Variants in RELN observed in about 807,000 individuals in gnomAD.
RELN encodes reelin.
A neutral mutation model predicts 427.6 loss-of-function variants in RELN; 108 were observed. The observed-to-expected ratio is 0.25, with a 90% CI of 0.22 to 0.30. The LOEUF (loss-of-function observed/expected upper bound fraction) is 0.30, where lower values mean the gene tolerates loss of function less well. RELN is among the 10% of genes least tolerant of loss of function. The pLI is 1.00. For missense variants in RELN, 3,715 were observed against 4,302.8 expected (o/e 0.86, Z 3.82); for synonymous variants, 1,524 against 1,513.4 (o/e 1.01, Z -0.16).
At chr7:103,806,329 T>C (rs1792598832) in intron 3 of RELN, among the ~76,000 whole-genome samples, 1 of 151,994 alleles carries the variant, frequency 6.6e-6, no homozygotes, top group Admixed American at 6.6e-5. Flanking sequence ...CTTTCTTTCT[T>C]TTTTCTTTTT....
At position 103,749,547 on chromosome 7, in the gene RELN, C is replaced by G. The variant is rs371498178; in HGVS notation, c.578-43G>C. On this transcript the variant is annotated intron_variant, in intron 5 of 64. Transcript: ENST00000428762. ...TATTTAGGAAAGAAATATACTACAACAGTACATTTAGCTAAACACAAGTGC... is the reference window on the plus strand; with the variant it reads ...TATTTAGGAAAGAAATATACTACAAGAGTACATTTAGCTAAACACAAGTGC... 294 of 1,363,996 alleles carry G rather than the reference C, an allele frequency of 2.2e-4. 1 individual carries two copies. The highest frequency in any genetic ancestry group is 3.0e-4 in the Non-Finnish European group (281 of 952,494). 84.5% of individuals were successfully genotyped at this position (1,363,996 alleles called of 1,614,324 possible).
Position 103,988,836 on chromosome 7 carries a change from G to C in RELN, c.226+295C>G, listed in dbSNP as rs1370596418. Among the ~76,000 whole-genome samples the C allele has an allele frequency of 6.6e-6, 1 of 152,224 alleles. No homozygotes were observed. The highest frequency in any genetic ancestry group is 1.5e-5 in the Non-Finnish European group (1 of 68,040). On this transcript the variant is annotated intron_variant, in intron 1 of 64. Transcript: ENST00000428762. This position sits in a 1 kb window ranked among gnomAD's most constrained non-coding sequence, Gnocchi z 4.9. ...GTTCAATTTAAAGTGCCTGCGGTAAGTACGGGGAGTGAGGGGGAAAGACAC... is the reference window on the plus strand; with the variant it reads ...GTTCAATTTAAAGTGCCTGCGGTAACTACGGGGAGTGAGGGGGAAAGACAC...
In RELN at chr7:103,500,759, T is replaced by C. The variant is rs565935986; in HGVS notation, c.8653A>G (p.Thr2885Ala). Residue 2885 changes from threonine (T) to alanine (A), a missense_variant, in exon 53 of 65, where the codon ACC becomes GCC. Physicochemically the swap from Thr to Ala is moderately conservative, Grantham distance 58. Coordinates refer to ENST00000428762, the MANE Select transcript of RELN (RefSeq NM_005045.4). ...TTTACCCTTACCTTCAGAGTGTGGG[T>C]CAAGTAGCAGTTTGGCCCTGAGTAT... ...PGYSGPNCYL[T>A]HTLKTFLKER... 1.2e-6 allele frequency: 2 copies of C among 1,614,030 alleles called. No homozygotes were observed. The highest frequency in any genetic ancestry group is 2.7e-5 in the African/African-American group (2 of 75,022).
intron 19 of RELN, among the ~76,000 whole-genome samples, chr7:103,632,799 A>G (rs1832499062): frequency 6.7e-6 from 1 of 149,524 alleles, no homozygotes; most frequent in African/African-American, 2.5e-5. Flanking sequence ...ATATAAGATC[A>G]AATTGTTTAA....
intron 20 of RELN, among the ~76,000 whole-genome samples, chr7:103,628,962 CCTGGTCTCCAGGACAA>C (rs1162733081): frequency 3.9e-5 from 6 of 152,134 alleles, no homozygotes; most frequent in Admixed American, 3.3e-4. Flanking sequence ...TACTTCACTA[CCTGGTCTCCAGGACAA>C]CTGGCCTCCT....
intron 2 of RELN, among the ~76,000 whole-genome samples, chr7:103,847,303 A>T (rs1320465357): frequency 6.6e-6 from 1 of 152,170 alleles, no homozygotes; most frequent in Non-Finnish European, 1.5e-5. Context: ...ATTCTCAGCA[A>T]ACTAACACAA....
intron 2 of RELN, among the ~76,000 whole-genome samples, chr7:103,845,411 C>T (rs1000246449): frequency 2.0e-5 from 3 of 152,156 alleles, no homozygotes; most frequent in Admixed American, 2.0e-4. Context: ...GAACTCCTAA[C>T]CTCAAGTGAT....
rs539469649 is a variant in RELN, at chr7:103,676,909, G to A, written c.1289+5207C>T. ...TGTCATGGGGTGGGAGCAGGGGGGA[G>A]GGATAGCATTAGGAGATATATCTAA... On this transcript the variant is annotated intron_variant, in intron 11 of 64. Transcript: ENST00000428762. 3.3e-5 allele frequency among the ~76,000 whole-genome samples: 5 copies of A among 152,158 alleles called. No homozygotes were observed. The South Asian group carries it at 1.0e-3, about 32-fold the overall frequency.
intron 2 of RELN, among the ~76,000 whole-genome samples, chr7:103,869,918 G>A (rs1794288610): frequency 6.6e-6 from 1 of 152,072 alleles, no homozygotes. Flanking sequence ...GATCCCTGAA[G>A]TCTTTCTTCA....
intron 2 of RELN, among the ~76,000 whole-genome samples, chr7:103,860,593 T>C (rs905470120): frequency 6.6e-6 from 1 of 152,182 alleles, no homozygotes; most frequent in Non-Finnish European, 1.5e-5. Context: ...AGCAGCAGTA[T>C]GGCAGACGTG....
At chr7:103,918,817 T>A (rs1446161801) in intron 1 of RELN, among the ~76,000 whole-genome samples, 1 of 152,136 alleles carries the variant, frequency 6.6e-6, no homozygotes, top group African/African-American at 2.4e-5. Context: ...TATTTAAATA[T>A]GTAAAATGCT....
intron 2 of RELN, among the ~76,000 whole-genome samples, chr7:103,896,041 A>G (rs1584343066): frequency 6.6e-6 from 1 of 152,104 alleles, no homozygotes; most frequent in East Asian, 1.9e-4. Context: ...ATTTGAACAG[A>G]CCCTTGACAA....
chr7:103,896,340 AC>A (rs1438350107), intron 2 of RELN, among the ~76,000 whole-genome samples: 6 of 152,110 alleles, frequency 3.9e-5, no homozygotes, highest in African/African-American at 1.4e-4. Flanking sequence ...ATACATATTC[AC>A]AAAGAGACTT....
intron 4 of RELN, among the ~76,000 whole-genome samples, chr7:103,756,092 C>G (rs1562993861): frequency 1.3e-5 from 2 of 151,996 alleles, no homozygotes; most frequent in Non-Finnish European, 2.9e-5. Flanking sequence ...TTGTTGCCTA[C>G]TTTACATTAA....
At chr7:103,544,986 A>G in intron 42 of RELN, 138 bp downstream of exon 42, 1 of 741,490 alleles carries the variant, frequency 1.3e-6, no homozygotes, top group Non-Finnish European at 2.3e-6. Context: ...TTCAGAACTA[A>G]ATGAATTCTT....
chr7:103,595,569 T>C (rs1229781126), intron 25 of RELN, among the ~76,000 whole-genome samples: 1 of 152,178 alleles, frequency 6.6e-6, no homozygotes, highest in Admixed American at 6.5e-5. Context: ...GTTTAAAACA[T>C]ATTCAGTCTG....
At chr7:103,500,351 TG>T (rs1472523413) in intron 53 of RELN, among the ~76,000 whole-genome samples, 1 of 152,214 alleles carries the variant, frequency 6.6e-6, no homozygotes, top group East Asian at 1.9e-4. Context: ...TTTGGTCTTT[TG>T]TGATAATGTA....
chr7:103,670,858 T>C (rs1208325652), intron 11 of RELN, among the ~76,000 whole-genome samples: 2 of 152,070 alleles, frequency 1.3e-5, no homozygotes, highest in Non-Finnish European at 2.9e-5. Flanking sequence ...TAATGGAACA[T>C]TTCATATTTT....
chr7:103,759,848 C>A (rs77770234), intron 4 of RELN, among the ~76,000 whole-genome samples: 4 of 152,000 alleles, frequency 2.6e-5, no homozygotes, highest in African/African-American at 9.7e-5. Flanking sequence ...TTTATCCTTA[C>A]GACAGTTTCT....
Sources: gnomAD v4.1 joint callset for allele counts (sites outside exome capture counted in the v4.1 genomes callset) on GRCh38, gnomAD v4.1.1 for gene constraint, Gnocchi (gnomAD v3.1) non-coding constraint, MANE v1.5 for transcripts, NCBI Gene and HGNC (gene_info 2026-07-23, HGNC 2026-07-21) for gene names.